The following IGF1R variants were observed in gnomAD, a reference collection of about 807,000 sequenced individuals.
The protein encoded by IGF1R is insulin-like growth factor 1 receptor.
In IGF1R, 44 loss-of-function variants were observed where a neutral mutation model predicts 144.6. That is an observed-to-expected ratio of 0.30 (90% CI 0.24 to 0.39). IGF1R has a LOEUF of 0.39. IGF1R is among the 10% of genes least tolerant of loss of function. The pLI is 1.00. For missense variants in IGF1R, 1,355 were observed against 1,833.7 expected (o/e 0.74, Z 4.77); for synonymous variants, 795 against 722.8 (o/e 1.10, Z -1.60).
At chr15:98,660,645 A>G (rs978165091) in intron 1 of IGF1R, 2 of 152,204 alleles carry the variant, frequency 1.3e-5, no homozygotes, top group Non-Finnish European at 2.9e-5. Flanking sequence ...ATGGAACTTG[A>G]AAGCAATAAA....
chr15:98,770,316 G>A (rs536127453), intron 2 of IGF1R, among the ~76,000 whole-genome samples: 1 of 152,340 alleles, frequency 6.6e-6, no homozygotes, highest in South Asian at 2.1e-4. Flanking sequence ...AGAGAGTAGA[G>A]TGATGGTTAC....
At chr15:98,754,931 C>T (rs757115828) in intron 2 of IGF1R, among the ~76,000 whole-genome samples, 9 of 152,264 alleles carry the variant, frequency 5.9e-5, no homozygotes, top group South Asian at 4.2e-4. Context: ...AGAAACAATA[C>T]GCAGAGAATT....
In IGF1R at chr15:98,958,700, GA is replaced by G. The variant is rs397772788; in HGVS notation, c.*1268del. On this transcript the variant is annotated 3_prime_UTR_variant, in exon 21 of 21. Transcript: ENST00000650285. ...AGATATTCATCTATACGTCTGTACA[GA>G]AAAAAAAAAGCTGCTATTTTTTTTG... 106,625 of 222,010 alleles carry G rather than the reference GA, an allele frequency of 0.48. 25,789 individuals are homozygous for G. Among genetic ancestry groups the G allele is most frequent in the South Asian group, 0.61 (3,294 of 5,376 alleles). 13.8% of individuals were successfully genotyped at this position (222,010 alleles called of 1,614,324 possible).
chr15:98,675,813 T>G (rs1365306175), intron 1 of IGF1R, among the ~76,000 whole-genome samples: 8 of 18,890 alleles, frequency 4.2e-4, no homozygotes, highest in Non-Finnish European at 1.6e-3. Context: ...TTCTTTTTTT[T>G]CTTTCTTTCT....
At position 98,891,302 on chromosome 15, in the gene IGF1R, C is replaced by G; in HGVS notation, c.641-23C>G. ...GTGCCTCCCCTGCCCGGTCTCATCT[C>G]CGTCTCTCCTCTCTCTCCACAGTGT... On this transcript the variant is annotated intron_variant, in intron 2 of 20. Coordinates refer to ENST00000650285, the MANE Select transcript of IGF1R (RefSeq NM_000875.5). This position sits in a 1 kb window ranked among gnomAD's most constrained non-coding sequence, Gnocchi z 4.7. 6.2e-7 allele frequency: 1 copy of G among 1,602,468 alleles called. No individual in the cohort carries two copies. The highest frequency in any genetic ancestry group is 8.5e-7 in the Non-Finnish European group (1 of 1,179,538).
intron 18 of IGF1R, among the ~76,000 whole-genome samples, chr15:98,939,814 C>A (rs1046089935): frequency 6.6e-6 from 1 of 152,232 alleles, no homozygotes; most frequent in Non-Finnish European, 1.5e-5. Context: ...AATGACGAAG[C>A]CTCTGCACGG....
chr15:98,760,248 G>A (rs1415735536), intron 2 of IGF1R, among the ~76,000 whole-genome samples: 1 of 152,050 alleles, frequency 6.6e-6, no homozygotes, highest in Non-Finnish European at 1.5e-5. Flanking sequence ...CCACTTGGGA[G>A]GCTGAGGGCA....
intron 2 of IGF1R, among the ~76,000 whole-genome samples, chr15:98,854,947 C>CG (rs954833438): frequency 1.3e-5 from 2 of 152,078 alleles, no homozygotes; most frequent in Admixed American, 6.5e-5. Flanking sequence ...CCCTGCCCCC[C>CG]CCAACACATG....
At chr15:98,887,904 A>G (rs2013719236) in intron 2 of IGF1R, among the ~76,000 whole-genome samples, 1 of 152,164 alleles carries the variant, frequency 6.6e-6, no homozygotes, top group South Asian at 2.1e-4. Context: ...TCCCTTGCCT[A>G]AAACTTTCCA....
At chr15:98,761,740 C>G (rs571566905) in intron 2 of IGF1R, among the ~76,000 whole-genome samples, 6 of 152,370 alleles carry the variant, frequency 3.9e-5, no homozygotes, top group Admixed American at 6.5e-5. Flanking sequence ...GTCTTTGCCT[C>G]TGTAAGTATC....
intron 1 of IGF1R, among the ~76,000 whole-genome samples, chr15:98,659,667 C>A (rs567411042): frequency 2.8e-4 from 43 of 152,218 alleles, no homozygotes; most frequent in African/African-American, 1.0e-3. Context: ...CATGGCAGAG[C>A]TGTTAACACC....
chr15:98,674,619 T>G (rs545915409), intron 1 of IGF1R, among the ~76,000 whole-genome samples: 18 of 152,218 alleles, frequency 1.2e-4, no homozygotes, highest in Admixed American at 3.9e-4. Context: ...CACATTTGCC[T>G]GCCGCCAGAC....
chr15:98,949,218 A>C (rs2016677251), intron 20 of IGF1R, among the ~76,000 whole-genome samples: 1 of 152,064 alleles, frequency 6.6e-6, no homozygotes, highest in South Asian at 2.1e-4. Flanking sequence ...ACCCTGCCCC[A>C]CATGTCTTCT....
At chr15:98,719,902 A>G (rs2054207708) in intron 2 of IGF1R, among the ~76,000 whole-genome samples, 1 of 152,242 alleles carries the variant, frequency 6.6e-6, no homozygotes, top group Non-Finnish European at 1.5e-5. Flanking sequence ...TCAGTGTAGA[A>G]TAAAGAGCTG....
intron 15 of IGF1R, among the ~76,000 whole-genome samples, chr15:98,930,987 AG>A (rs2015918601): frequency 1.3e-5 from 2 of 152,222 alleles, no homozygotes; most frequent in Non-Finnish European, 2.9e-5. Flanking sequence ...CAGTGATACT[AG>A]GACCCTTAAC....
chr15:98,862,314 C>G (rs567721232), intron 2 of IGF1R, among the ~76,000 whole-genome samples: 61 of 152,316 alleles, frequency 4.0e-4, no homozygotes, highest in African/African-American at 1.4e-3. Context: ...CCAGGAGAGT[C>G]GCACATAATT....
intron 2 of IGF1R, among the ~76,000 whole-genome samples, chr15:98,738,535 CA>C (rs1182799192): frequency 6.6e-6 from 1 of 152,110 alleles, no homozygotes; most frequent in Non-Finnish European, 1.5e-5. Context: ...GACTCTGCCC[CA>C]AAGCAAGATA....
At chr15:98,922,581 G>C in intron 11 of IGF1R, 150 bp downstream of exon 11, 1 of 863,394 alleles carries the variant, frequency 1.2e-6, no homozygotes, top group South Asian at 1.6e-5. Flanking sequence ...GGCAGGTGGC[G>C]TGTAGACCAG....
Position 98,687,232 on chromosome 15 carries a change from C to A in IGF1R, c.95-20330C>A, listed in dbSNP as rs527758907. ...TCCAGCTGCGCATGGGATCACAGTC[C>A]AGTAGGTAAACGAGTGCCTAAACTT... On this transcript the variant is annotated intron_variant, in intron 1 of 20. Transcript: ENST00000650285. 6.6e-5 allele frequency among the ~76,000 whole-genome samples: 10 copies of A among 152,240 alleles called. No homozygotes were observed. In the South Asian group the frequency reaches 2.1e-3, roughly 32 times the overall value.
Sources: allele counts gnomAD v4.1 joint callset (sites outside exome capture counted in the v4.1 genomes callset), GRCh38; gene constraint gnomAD v4.1.1; non-coding constraint Gnocchi (gnomAD v3.1); transcripts MANE v1.5; gene names NCBI Gene and HGNC (gene_info 2026-07-23, HGNC 2026-07-21).